ITGB3: variants seen among roughly 807,000 people sequenced by gnomAD.
ITGB3 encodes the protein integrin subunit beta 3.
In ITGB3, 48 loss-of-function variants were observed where a neutral mutation model predicts 85.8. The ratio of observed to expected loss-of-function variants is 0.56; its 90% CI spans 0.44 to 0.71. ITGB3 has a LOEUF of 0.71. Among genes scored for constraint, ITGB3 ranks in the 30% least tolerant of loss-of-function variants. The probability of loss-of-function intolerance (pLI) is 0.00; values close to 1 mark genes in which losing one functional copy is unlikely to be tolerated. For synonymous variants in ITGB3, 363 were observed against 395.6 expected, an observed-to-expected ratio of 0.92 and a Z score of 0.98; for missense variants, 861 against 1,019.1, an observed-to-expected ratio of 0.84 and a Z score of 2.11.
chr17:47,310,544 T>C lies in ITGB3; in HGVS notation c.*340T>C. Reference sequence around the variant, plus strand: ...AGCTGAGCAGGTGTTCTTCATTACCTCAGTGAGAAGCCAGCTTTCCTCATC... The same window carrying C: ...AGCTGAGCAGGTGTTCTTCATTACCCCAGTGAGAAGCCAGCTTTCCTCATC... On this transcript the variant is annotated 3_prime_UTR_variant, in exon 15 of 15. Transcript: ENST00000559488. 2.6e-6 allele frequency: 1 copy of C among 392,024 alleles called. No individual in the cohort carries two copies. Among genetic ancestry groups the C allele is most frequent in the Non-Finnish European group, 4.9e-6 (1 of 204,184 alleles). 24.3% of individuals were successfully genotyped at this position (392,024 alleles called of 1,614,324 possible).
intron 1 of ITGB3, among the ~76,000 whole-genome samples, chr17:47,268,970 G>A (rs1239924076): frequency 2.0e-5 from 3 of 152,184 alleles, no homozygotes; most frequent in Non-Finnish European, 4.4e-5. Context: ...GTTCCCAAAC[G>A]TCAGTTCTTG....
intron 12 of ITGB3, 125 bp from the exon 13 acceptor site, chr17:47,302,596 C>T (rs753679992): frequency 7.1e-6 from 8 of 1,129,340 alleles, no homozygotes; most frequent in African/African-American, 1.5e-5. Context: ...ATCTAGGCAT[C>T]GTGCACATGA....
intron 6 of ITGB3, among the ~76,000 whole-genome samples, chr17:47,288,578 C>A (rs1347612606): frequency 6.6e-6 from 1 of 152,142 alleles, no homozygotes; most frequent in East Asian, 1.9e-4. Context: ...GGAGACTGAG[C>A]TGAGGATCTA....
chr17:47,258,574 C>T (rs1046734866), intron 1 of ITGB3, among the ~76,000 whole-genome samples: 4 of 151,908 alleles, frequency 2.6e-5, no homozygotes, highest in Non-Finnish European at 5.9e-5. Context: ...AGAATTTTTC[C>T]ATCATCCCCT....
rs201806801 is a variant in ITGB3, at chr17:47,284,473, G to T, written c.392G>T (p.Arg131Leu). ...TCGAAGAATTTCTCCATCCAAGTGCGGCAGGTGGAGGATTACCCTGTGGAC... is the reference window on the plus strand; with the variant it reads ...TCGAAGAATTTCTCCATCCAAGTGCTGCAGGTGGAGGATTACCCTGTGGAC... ...DDSKNFSIQVRQVEDYPVDIY... is the reference protein window; with the variant it reads ...DDSKNFSIQVLQVEDYPVDIY... The change falls in exon 4 of 15, where the codon CGG (arginine) becomes CTG (leucine). Residue 131 changes from arginine (R) to leucine (L), a missense_variant. Coordinates refer to ENST00000559488, the MANE Select transcript of ITGB3 (RefSeq NM_000212.3). 1.2e-6 allele frequency: 2 copies of T among 1,613,874 alleles called. No individual in the cohort carries two copies. The highest frequency in any genetic ancestry group is 8.5e-7 in the Non-Finnish European group (1 of 1,179,984).
intron 1 of ITGB3, among the ~76,000 whole-genome samples, chr17:47,258,134 G>A (rs1263785073): frequency 6.6e-6 from 1 of 152,134 alleles, no homozygotes; most frequent in Non-Finnish European, 1.5e-5. Flanking sequence ...GCAGCTTCAG[G>A]GATGAACCGC....
At chr17:47,280,824 T>C (rs2065081351) in intron 2 of ITGB3, among the ~76,000 whole-genome samples, 2 of 152,190 alleles carry the variant, frequency 1.3e-5, no homozygotes, top group African/African-American at 4.8e-5. Context: ...GCATTCTCTG[T>C]TGTGGCTCCT....
chr17:47,255,100 T>G (rs2064984017), intron 1 of ITGB3, among the ~76,000 whole-genome samples: 2 of 152,028 alleles, frequency 1.3e-5, no homozygotes, highest in African/African-American at 4.8e-5. Context: ...TGGCTCAGCC[T>G]CCCGAGTAGC....
rs2065056148 is a variant in ITGB3, at chr17:47,274,519, C to A, written c.165+15C>A. 1 of 1,609,616 alleles carries A rather than the reference C, an allele frequency of 6.2e-7. No homozygotes were observed. Among genetic ancestry groups the A allele is most frequent in the Non-Finnish European group, 8.5e-7 (1 of 1,176,314 alleles). ...GCTCTGATGAGGTAAGGAGCAGATACCAGACCTTGTTTCTTCTCCAGACTA... is the reference window on the plus strand; with the variant it reads ...GCTCTGATGAGGTAAGGAGCAGATAACAGACCTTGTTTCTTCTCCAGACTA... On this transcript the variant is annotated intron_variant, in intron 2 of 14. Coordinates refer to ENST00000559488, the MANE Select transcript of ITGB3 (RefSeq NM_000212.3).
At chr17:47,255,965 G>C (rs1316047507) in intron 1 of ITGB3, among the ~76,000 whole-genome samples, 4 of 128,476 alleles carry the variant, frequency 3.1e-5, no homozygotes, top group Non-Finnish European at 6.6e-5. Context: ...GGGCAACTCA[G>C]TAAAAATAAA....
rs752824515 is a variant in ITGB3 at position 47,292,121 on chromosome 17, A to G, written c.1261-18A>G. 3.7e-6 allele frequency: 6 copies of G among 1,613,742 alleles called. No individual in the cohort carries two copies. In the African/African-American group the frequency reaches 4.0e-5, roughly 11 times the overall value. ...CTGGGCCCAACTGTGTCTAAATACA[A>G]TCTTTCTTTCCATCCAGGTGAGCTT... On this transcript the variant is annotated intron_variant, in intron 9 of 14. Transcript: ENST00000559488.
chr17:47,307,519 G>C lies in ITGB3; in HGVS notation c.2183G>C (p.Gly728Ala). Residue 728 changes from glycine to alanine, a missense_variant, in exon 14 of 15, where the codon GGG becomes GCG. Gly to Ala is a moderately conservative substitution (Grantham distance 60). Coordinates refer to ENST00000559488, the MANE Select transcript of ITGB3 (RefSeq NM_000212.3). ...CTGGTGGTCCTGCTCTCAGTGATGG[G>C]GGCCATTCTGCTCATTGGCCTTGCC... The part of the protein sequence containing the change: ...DILVVLLSVM[G>A]AILLIGLAAL... 1 of 1,614,044 alleles carries C rather than the reference G, an allele frequency of 6.2e-7. No homozygotes were observed. Among genetic ancestry groups the C allele is most frequent in the Non-Finnish European group, 8.5e-7 (1 of 1,180,006 alleles).
chr17:47,279,186 G>A (rs1480297756), intron 2 of ITGB3, among the ~76,000 whole-genome samples: 1 of 152,170 alleles, frequency 6.6e-6, no homozygotes, highest in Non-Finnish European at 1.5e-5. Flanking sequence ...CAGCCAGCTC[G>A]CAGGGCGCTG....
In ITGB3 at chr17:47,253,878, G is replaced by T. The variant is rs762907751; in HGVS notation, c.17G>T (p.Arg6Leu). The T allele has an allele frequency of 1.3e-5, 16 of 1,256,762 alleles. No individual in the cohort carries two copies. In the South Asian group the frequency reaches 4.4e-4, roughly 35 times the overall value. The allele number at this position is 1,256,762 out of a possible 1,614,324, so 77.9% of individuals were successfully genotyped here. A position where few individuals can be genotyped will look rare whatever the true frequency, so the allele number is the denominator to read the frequency against. ...GCGGACGAGATGCGAGCGCGGCCGC[G>T]GCCCCGGCCGCTCTGGGCGACTGTG... MRARP[R>L]PRPLWATVLA... Residue 6 changes from arginine to leucine, a missense_variant, in exon 1 of 15, where the codon CGG becomes CTG. Coordinates refer to ENST00000559488, the MANE Select transcript of ITGB3 (RefSeq NM_000212.3).
At chr17:47,262,956 G>A (rs2065013460) in intron 1 of ITGB3, among the ~76,000 whole-genome samples, 1 of 152,314 alleles carries the variant, frequency 6.6e-6, no homozygotes, top group Admixed American at 6.5e-5. Flanking sequence ...AGTCTCCGGT[G>A]CTTGGCCGAT....
intron 10 of ITGB3, among the ~76,000 whole-genome samples, chr17:47,295,609 G>T (rs576219135): frequency 3.9e-5 from 6 of 152,228 alleles, no homozygotes; most frequent in African/African-American, 1.4e-4. Context: ...TCCCTGGCTG[G>T]CCCATCTTGT....
intron 9 of ITGB3, 118 bp from the exon 10 acceptor site, chr17:47,292,021 A>G (rs1448400366): frequency 3.9e-6 from 4 of 1,025,786 alleles, no homozygotes; most frequent in South Asian, 1.4e-5. Context: ...TTGCAAAAGC[A>G]TAAGACACCC....
chr17:47,279,822 T>A (rs768407856), intron 2 of ITGB3: 1 of 152,278 alleles, frequency 6.6e-6, no homozygotes, highest in African/African-American at 2.4e-5. Context: ...CACTGCCTTT[T>A]TGGGAAGGTT....
At chr17:47,308,738 G>C (rs2065200436) in intron 14 of ITGB3, among the ~76,000 whole-genome samples, 1 of 152,108 alleles carries the variant, frequency 6.6e-6, no homozygotes, top group Non-Finnish European at 1.5e-5. Context: ...CTGACCTCGT[G>C]ATCACCCGCC....
Sources: gnomAD v4.1 joint callset for allele counts (sites outside exome capture counted in the v4.1 genomes callset) on GRCh38, gnomAD v4.1.1 for gene constraint, MANE v1.5 for transcripts, NCBI Gene and HGNC (gene_info 2026-07-23, HGNC 2026-07-21) for gene names.